Variants in PPP6R3 observed in about 807,000 individuals in gnomAD.
PPP6R3 encodes the protein protein phosphatase 6 regulatory subunit 3.
In PPP6R3, 38 loss-of-function variants were observed where a neutral mutation model predicts 110.7. The observed-to-expected ratio is 0.34, with a 90% CI of 0.26 to 0.45. The LOEUF is 0.45. PPP6R3 is among the 20% of genes least tolerant of loss of function. The pLI is 1.00. For synonymous variants in PPP6R3, 369 were observed against 373.5 expected (o/e 0.99, Z 0.14); for missense variants, 870 against 1,062.4 (o/e 0.82, Z 2.52).
At chr11:68,477,665 T>C (rs975965124) in intron 1 of PPP6R3, among the ~76,000 whole-genome samples, 10 of 147,146 alleles carry the variant, frequency 6.8e-5, no homozygotes, top group African/African-American at 2.5e-4. Context: ...AGGTCGAGGC[T>C]GCAGTAAGCT....
At chr11:68,571,608 T>C (rs1158744117) in intron 12 of PPP6R3, among the ~76,000 whole-genome samples, 1 of 152,228 alleles carries the variant, frequency 6.6e-6, no homozygotes, top group Non-Finnish European at 1.5e-5. Flanking sequence ...AGTTGATACA[T>C]GTAAGTAGCT....
intron 3 of PPP6R3, among the ~76,000 whole-genome samples, chr11:68,539,727 T>C (rs1262263576): frequency 6.6e-6 from 1 of 152,196 alleles, no homozygotes; most frequent in Non-Finnish European, 1.5e-5. Context: ...GATGGAGTAA[T>C]TGCTGTATTG....
chr11:68,529,200 A>G (rs1000325290), intron 2 of PPP6R3, among the ~76,000 whole-genome samples: 2 of 152,160 alleles, frequency 1.3e-5, no homozygotes, highest in Non-Finnish European at 2.9e-5. Flanking sequence ...TCTCAGAGAT[A>G]TGTACCTGTT....
chr11:68,510,769 G>A (rs1212343245), intron 1 of PPP6R3, among the ~76,000 whole-genome samples: 1 of 152,106 alleles, frequency 6.6e-6, no homozygotes, highest in Non-Finnish European at 1.5e-5. Context: ...CCTGGAGATA[G>A]TGTAATACTT....
chr11:68,543,038 A>C (rs970238249), intron 3 of PPP6R3, among the ~76,000 whole-genome samples: 2 of 152,186 alleles, frequency 1.3e-5, no homozygotes, highest in African/African-American at 4.8e-5. Flanking sequence ...AGTGAAAATA[A>C]AGAGGAATGA....
chr11:68,497,015 C>G (rs2099020831), intron 1 of PPP6R3, among the ~76,000 whole-genome samples: 1 of 151,078 alleles, frequency 6.6e-6, no homozygotes, highest in Non-Finnish European at 1.5e-5. Context: ...GTGCCCACCT[C>G]CACGCCCGGC....
At chr11:68,590,901 T>A (rs2099593226) in intron 17 of PPP6R3, among the ~76,000 whole-genome samples, 187 bp downstream of exon 17, 1 of 152,070 alleles carries the variant, frequency 6.6e-6, no homozygotes, top group Non-Finnish European at 1.5e-5. Flanking sequence ...GCAGCCCTGG[T>A]TTATGACTTG....
chr11:68,528,438 G>GA (rs911656571), intron 2 of PPP6R3, among the ~76,000 whole-genome samples: 2 of 145,954 alleles, frequency 1.4e-5, no homozygotes, highest in African/African-American at 2.5e-5. Flanking sequence ...GTGTGTGGGG[G>GA]GGGGGGCTGC....
At chr11:68,535,488 G>A (rs914204706) in intron 2 of PPP6R3, 1 of 152,210 alleles carries the variant, frequency 6.6e-6, no homozygotes, top group African/African-American at 2.4e-5. Context: ...CATCACAGTG[G>A]CTGCCATCCT....
At chr11:68,499,787 G>T (rs2099038598) in intron 1 of PPP6R3, among the ~76,000 whole-genome samples, 1 of 151,988 alleles carries the variant, frequency 6.6e-6, no homozygotes, top group African/African-American at 2.4e-5. Context: ...TTCCCAGGCT[G>T]GTCTCAAACT....
intron 1 of PPP6R3, among the ~76,000 whole-genome samples, chr11:68,468,823 A>C (rs12363722): frequency 0.23 from 35,152 of 152,204 alleles, 4,299 homozygotes; most frequent in Middle Eastern, 0.33. Flanking sequence ...GAGATCATAA[A>C]TTTGAGGTTT....
chr11:68,481,242 C>G (rs2098908685), intron 1 of PPP6R3, among the ~76,000 whole-genome samples: 1 of 152,142 alleles, frequency 6.6e-6, no homozygotes, highest in Admixed American at 6.5e-5. Flanking sequence ...GACACATAGG[C>G]TGGGGCTAGT....
At chr11:68,553,127 G>C (rs2099387264) in intron 6 of PPP6R3, among the ~76,000 whole-genome samples, 1 of 152,010 alleles carries the variant, frequency 6.6e-6, no homozygotes, top group South Asian at 2.1e-4. Flanking sequence ...TGCCTGTATT[G>C]GGAGCACATT....
intron 18 of PPP6R3, among the ~76,000 whole-genome samples, chr11:68,593,258 A>G (rs2099601133): frequency 6.6e-6 from 1 of 152,200 alleles, no homozygotes; most frequent in South Asian, 2.1e-4. Flanking sequence ...AGTTTTATAT[A>G]AATGAAATCA....
In PPP6R3 at chr11:68,591,680, C is replaced by T; in HGVS notation, c.1890C>T (p.Phe630=). 1 of 1,612,878 alleles carries T rather than the reference C, an allele frequency of 6.2e-7. No individual in the cohort carries two copies. The highest frequency in any genetic ancestry group is 1.1e-5 in the South Asian group (1 of 90,750). ...EDIWEEKHIA[F]TPESQRRSSS... is the part of the protein sequence containing the mutation. ...TATGGGAGGAAAAGCACATCGCATT[C>T]ACACCAGAATCCCAAAGACGATCCA... Residue 630 remains phenylalanine, a synonymous_variant, in exon 18 of 24, where the codon TTC becomes TTT. Transcript: ENST00000393800.
chr11:68,464,580 C>A (rs2098732719), intron 1 of PPP6R3, among the ~76,000 whole-genome samples: 1 of 152,156 alleles, frequency 6.6e-6, no homozygotes, highest in Non-Finnish European at 1.5e-5. Flanking sequence ...TACCTAGATC[C>A]TGCCTTGGAG....
intron 1 of PPP6R3, among the ~76,000 whole-genome samples, chr11:68,511,494 G>GTGTGTGTGTGTT (rs2099109553): frequency 1.5e-5 from 2 of 131,796 alleles, no homozygotes; most frequent in African/African-American, 5.6e-5. Flanking sequence ...GTGTGTGTGT[G>GTGTGTGTGTGTT]TTTTGAGTTG....
rs544424434 is a variant in PPP6R3, at chr11:68,583,701, T to G, written c.1632+572T>G. Among the ~76,000 whole-genome samples, 8 of 152,294 alleles carry G rather than the reference T, an allele frequency of 5.3e-5. No individual in the cohort carries two copies. In the South Asian group the frequency reaches 6.2e-4, roughly 12 times the overall value. ...GATATGAATAATAAATGTACTGATT[T>G]ATCATCCATTGTTAGTTCTTGGAGA... On this transcript the variant is annotated intron_variant, in intron 15 of 23. Coordinates refer to ENST00000393800, the MANE Select transcript of PPP6R3 (RefSeq NM_001164161.2).
intron 8 of PPP6R3, 64 bp from the exon 9 acceptor site, chr11:68,564,239 G>T: frequency 6.8e-7 from 1 of 1,474,900 alleles, no homozygotes; most frequent in Non-Finnish European, 9.3e-7. Context: ...GACATACATG[G>T]TCGATAACCT....
Sources: allele counts gnomAD v4.1 joint callset (sites outside exome capture counted in the v4.1 genomes callset), GRCh38; gene constraint gnomAD v4.1.1; transcripts MANE v1.5; gene names NCBI Gene and HGNC (gene_info 2026-07-23, HGNC 2026-07-21).